ARHGEF12: variants seen among roughly 807,000 people sequenced by gnomAD.
The protein encoded by ARHGEF12 is KMT2A/ARHGEF12 fusion protein.
Under a neutral mutation model 211.2 loss-of-function variants are expected in ARHGEF12, and 66 were observed. That is an observed-to-expected ratio of 0.31 (90% CI 0.26 to 0.38). The LOEUF is 0.38. ARHGEF12 is among the 10% of genes least tolerant of loss of function. The probability of loss-of-function intolerance (pLI) is 1.00; values close to 1 mark genes in which losing one functional copy is unlikely to be tolerated. For synonymous variants in ARHGEF12, 592 were observed against 638.4 expected, an observed-to-expected ratio of 0.93 and a Z score of 1.09; for missense variants, 1,429 against 1,869.5, an observed-to-expected ratio of 0.76 and a Z score of 4.34.
At chr11:120,427,007 G>T (rs1465015231) in intron 7 of ARHGEF12, among the ~76,000 whole-genome samples, 2 of 152,108 alleles carry the variant, frequency 1.3e-5, no homozygotes, top group Non-Finnish European at 2.9e-5. Flanking sequence ...TTCCCTAGTA[G>T]CTGAGACTAC....
intron 20 of ARHGEF12, 200 bp downstream of exon 20, chr11:120,448,548 G>C: frequency 1.8e-6 from 1 of 555,020 alleles, no homozygotes; most frequent in South Asian, 2.5e-5. Flanking sequence ...ATTAGACAAT[G>C]TGAAAAGTGA....
At chr11:120,477,656 G>A in intron 36 of ARHGEF12, 130 bp downstream of exon 36, 1 of 753,278 alleles carries the variant, frequency 1.3e-6, no homozygotes, top group Non-Finnish European at 2.1e-6. Flanking sequence ...CCTGAGGCCA[G>A]GAGTTAGAGG....
chr11:120,398,350 C>T (rs1944452728), intron 1 of ARHGEF12, among the ~76,000 whole-genome samples: 1 of 152,274 alleles, frequency 6.6e-6, no homozygotes, highest in East Asian at 1.9e-4. Context: ...CACTCATCCT[C>T]CAACCTTTCA....
rs755605987 is a variant in ARHGEF12 at position 120,429,724 on chromosome 11, G to C, written c.676G>C (p.Asp226His). ...TATAACTTTTCAGTTATTGCAGGAA[G>C]ATTACAACCGAACACCTGCCCAAAG... is the stretch of plus-strand genomic sequence containing the variant. ...EQERLQLLQE[D>H]YNRTPAQRLL... The change falls in exon 10 of 41, where the codon GAT (aspartate) becomes CAT (histidine). Residue 226 changes from aspartate to histidine, a missense_variant. Transcript: ENST00000397843. 1 of 1,612,592 alleles carries C rather than the reference G, an allele frequency of 6.2e-7. No homozygotes were observed. The highest frequency in any genetic ancestry group is 8.5e-7 in the Non-Finnish European group (1 of 1,179,570).
rs762657173 is a variant in ARHGEF12, at chr11:120,429,695, T to A, written c.664-17T>A. 1.2e-6 allele frequency: 2 copies of A among 1,603,276 alleles called. No individual in the cohort carries two copies. The highest frequency in any genetic ancestry group is 1.3e-5 in the African/African-American group (1 of 74,166). On this transcript the variant is annotated splice_polypyrimidine_tract_variant and intron_variant, in intron 9 of 40. Transcript: ENST00000397843. Reference sequence around the variant, plus strand: ...ACATAAGTAATTAATTCTGAAAATATTTTTATAACTTTTCAGTTATTGCAG... The same window carrying A: ...ACATAAGTAATTAATTCTGAAAATAATTTTATAACTTTTCAGTTATTGCAG...
intron 1 of ARHGEF12, among the ~76,000 whole-genome samples, chr11:120,342,176 A>C (rs533341243): frequency 6.6e-6 from 1 of 151,744 alleles, no homozygotes; most frequent in South Asian, 2.1e-4. Flanking sequence ...TTTCTGTGCT[A>C]TTTTCCTTTA....
At chr11:120,384,695 C>G (rs1208165735) in intron 1 of ARHGEF12, among the ~76,000 whole-genome samples, 2 of 152,126 alleles carry the variant, frequency 1.3e-5, no homozygotes, top group African/African-American at 4.8e-5. Flanking sequence ...TCACAATAAT[C>G]AAACACAAAC....
At chr11:120,462,462 A>G (rs1425655577) in intron 27 of ARHGEF12, 1 of 152,212 alleles carries the variant, frequency 6.6e-6, no homozygotes, top group South Asian at 2.1e-4. Context: ...AACTACCAAA[A>G]TGTGGCACAG....
At chr11:120,418,881 G>A (rs1333537332) in intron 4 of ARHGEF12, among the ~76,000 whole-genome samples, 1 of 151,772 alleles carries the variant, frequency 6.6e-6, no homozygotes, top group Admixed American at 6.6e-5. Context: ...ATTATTGGCT[G>A]GAGAGTTGCA....
chr11:120,377,237 T>C (rs1943751289), intron 1 of ARHGEF12, among the ~76,000 whole-genome samples: 1 of 152,190 alleles, frequency 6.6e-6, no homozygotes, highest in South Asian at 2.1e-4. Flanking sequence ...AACATTTCCA[T>C]CACCCCAAAA....
At chr11:120,461,912 AT>A (rs1231595991) in intron 27 of ARHGEF12, among the ~76,000 whole-genome samples, 14 of 152,298 alleles carry the variant, frequency 9.2e-5, no homozygotes, top group African/African-American at 3.4e-4. Flanking sequence ...ATTGAAGAGA[AT>A]TAGGGGCTTG....
intron 1 of ARHGEF12, among the ~76,000 whole-genome samples, chr11:120,401,706 A>G (rs1297765742): frequency 6.6e-6 from 1 of 152,192 alleles, no homozygotes; most frequent in Admixed American, 6.5e-5. Flanking sequence ...AGGAAAATTT[A>G]AAGTGCAGAT....
rs1298893744 is a variant in ARHGEF12 at position 120,485,408 on chromosome 11, T to C, written c.*331T>C. On this transcript the variant is annotated 3_prime_UTR_variant, in exon 41 of 41. Transcript: ENST00000397843. ...ACTTAGATTTAAGAAAAAGAGAAAA[T>C]CAGATGTATTTATTTGACTTCATTC... 1.8e-5 allele frequency: 5 copies of C among 278,074 alleles called. No homozygotes were observed. The highest frequency in any genetic ancestry group is 8.6e-5 in the African/African-American group (4 of 46,638). 17.2% of individuals were successfully genotyped at this position (278,074 alleles called of 1,614,324 possible). A position where few individuals can be genotyped will look rare whatever the true frequency, so the allele number is the denominator to read the frequency against.
At chr11:120,375,278 C>G (rs951543689) in intron 1 of ARHGEF12, among the ~76,000 whole-genome samples, 3 of 152,084 alleles carry the variant, frequency 2.0e-5, no homozygotes, top group African/African-American at 7.2e-5. Flanking sequence ...TTGGTATAAT[C>G]CATGGGAGTC....
In ARHGEF12 at chr11:120,351,031, T is replaced by A. The variant is rs76329887; in HGVS notation, c.32+13756T>A. On this transcript the variant is annotated intron_variant, in intron 1 of 40. Coordinates refer to ENST00000397843, the MANE Select transcript of ARHGEF12 (RefSeq NM_015313.3). ...CTTTGAAAGATGACAAGATGTGATG[T>A]AGGTGACAAAGAGCATTTTTAAAAA... 2.5e-3 allele frequency among the ~76,000 whole-genome samples: 388 copies of A among 152,222 alleles called. 1 individual carries two copies. Among genetic ancestry groups the A allele is most frequent in the African/African-American group, 8.8e-3 (365 of 41,518 alleles).
chr11:120,471,784 G>C (rs930467076), intron 30 of ARHGEF12, among the ~76,000 whole-genome samples: 4 of 152,154 alleles, frequency 2.6e-5, no homozygotes, highest in Non-Finnish European at 4.4e-5. Context: ...GTAGAATATA[G>C]ATGGTAATAT....
intron 30 of ARHGEF12, 136 bp downstream of exon 30, chr11:120,469,524 G>A (rs1302812169): frequency 4.1e-6 from 3 of 738,726 alleles, no homozygotes; most frequent in African/African-American, 3.5e-5. Context: ...TGTTCGCATA[G>A]TAGGCAGGTC....
In ARHGEF12 at chr11:120,484,986, C is replaced by T. The variant is rs1488338216; in HGVS notation, c.4625-81C>T. 3 of 1,445,008 alleles carry T rather than the reference C, an allele frequency of 2.1e-6. No individual in the cohort carries two copies. In the African/African-American group the frequency reaches 4.2e-5, roughly 20 times the overall value. 89.5% of individuals were successfully genotyped at this position (1,445,008 alleles called of 1,614,324 possible). A position where few individuals can be genotyped will look rare whatever the true frequency, so the allele number is the denominator to read the frequency against. On this transcript the variant is annotated intron_variant, in intron 40 of 40. Coordinates refer to ENST00000397843, the MANE Select transcript of ARHGEF12 (RefSeq NM_015313.3). ...TCAGAAACAAAGATTGAACCACGCC[C>T]ACAGATGTCATGGGTATTCTTTGCA...
At chr11:120,429,961 A>G in intron 10 of ARHGEF12, 130 bp downstream of exon 10, 1 of 1,002,404 alleles carries the variant, frequency 1.0e-6, no homozygotes, top group Non-Finnish European at 1.4e-6. Flanking sequence ...ATGTCCTGTT[A>G]AGGATGTTAC....
Sources: allele counts gnomAD v4.1 joint callset (sites outside exome capture counted in the v4.1 genomes callset), GRCh38; gene constraint gnomAD v4.1.1; transcripts MANE v1.5; gene names NCBI Gene and HGNC (gene_info 2026-07-23, HGNC 2026-07-21).